Variants in PARP8 observed in about 807,000 individuals in gnomAD.
The protein encoded by PARP8 is protein mono-ADP-ribosyltransferase PARP8.
Under a neutral mutation model 124.1 loss-of-function variants are expected in PARP8, and 51 were observed. The observed-to-expected ratio is 0.41, with a 90% confidence interval of 0.33 to 0.52. The LOEUF (loss-of-function observed/expected upper bound fraction) is 0.52. Among genes scored for constraint, PARP8 ranks in the 20% least tolerant of loss-of-function variants. The pLI is 0.21. For missense variants in PARP8, 860 were observed against 1,018.9 expected (o/e 0.84, Z 2.12); for synonymous variants, 391 against 361.5 (o/e 1.08, Z -0.93).
chr5:50,746,094 C>T (rs1313111849), intron 2 of PARP8, among the ~76,000 whole-genome samples: 1 of 152,182 alleles, frequency 6.6e-6, no homozygotes. Flanking sequence ...TTAATCTGAT[C>T]TCTCTTTTCT....
chr5:50,766,180 C>G (rs1382533915), intron 7 of PARP8, among the ~76,000 whole-genome samples: 1 of 152,128 alleles, frequency 6.6e-6, no homozygotes, highest in Non-Finnish European at 1.5e-5. Flanking sequence ...AATGACAATT[C>G]TACCTCACCA....
chr5:50,833,989 A>G lies in PARP8; in HGVS notation c.2318A>G (p.Lys773Arg), dbSNP rs778402664. The G allele has an allele frequency of 1.4e-5, 22 of 1,612,230 alleles. No individual in the cohort carries two copies. Among genetic ancestry groups the G allele is most frequent in the Non-Finnish European group, 1.9e-5 (22 of 1,178,764 alleles). ...KSSNTSQSQK[K>R]GQQSQFLQSR... ...GTTTTTGGAATTTAGTCACAGAAAA[A>G]AGGACAGCAATCCCAATTCCTGCAA... Residue 773 changes from lysine (K) to arginine (R), a missense_variant, in exon 24 of 26, where the codon AAA becomes AGA. This residue lies in a region of PARP8 where 343 missense variants were observed against 474.7 expected (regional missense o/e 0.72). Coordinates refer to ENST00000281631, the MANE Select transcript of PARP8 (RefSeq NM_024615.4).
At chr5:50,739,409 G>A (rs1460322042) in intron 2 of PARP8, among the ~76,000 whole-genome samples, 1 of 151,802 alleles carries the variant, frequency 6.6e-6, no homozygotes, top group Non-Finnish European at 1.5e-5. Context: ...GGGGTGGGGA[G>A]GGAGTTGAGA....
Position 50,667,057 on chromosome 5 carries a change from GT to G in PARP8, c.-38del. The G allele has an allele frequency of 6.3e-7, 1 of 1,596,354 alleles. No individual in the cohort carries two copies. The highest frequency in any genetic ancestry group is 8.5e-7 in the Non-Finnish European group (1 of 1,179,712). Reference sequence around the variant, plus strand: ...AAGCGTGCGAGGGGGGTGGGGTGGGGTGGAAATAGCGGCTGCTTCTTTTCCA... The same window carrying G: ...AAGCGTGCGAGGGGGGTGGGGTGGGGGGAAATAGCGGCTGCTTCTTTTCCA... On this transcript the variant is annotated 5_prime_UTR_variant, in exon 1 of 26. Transcript: ENST00000281631.
intron 7 of PARP8, among the ~76,000 whole-genome samples, chr5:50,770,832 G>T (rs1328126847): frequency 6.6e-6 from 1 of 151,998 alleles, no homozygotes; most frequent in Non-Finnish European, 1.5e-5. Flanking sequence ...AATGTTTGTG[G>T]TACCCTGAAC....
intron 7 of PARP8, among the ~76,000 whole-genome samples, chr5:50,776,965 A>C (rs558104411): frequency 1.3e-5 from 2 of 152,242 alleles, no homozygotes; most frequent in Admixed American, 1.3e-4. Flanking sequence ...ACATCTTTAA[A>C]TCTTAGTTTT....
rs1238241306 is a variant in PARP8, at chr5:50,738,019, T to A, written c.147-12132T>A. ...GCTTAATGAATAGTGAATGGCTAAC[T>A]GATTTTAGTAACCACTTAGAAATAC... On this transcript the variant is annotated intron_variant, in intron 2 of 25. Coordinates refer to ENST00000281631, the MANE Select transcript of PARP8 (RefSeq NM_024615.4). Among the ~76,000 whole-genome samples, 117 of 152,214 alleles carry A rather than the reference T, an allele frequency of 7.7e-4. 1 individual carries two copies. The highest frequency in any genetic ancestry group is 1.9e-4 in the Non-Finnish European group (13 of 68,028).
intron 1 of PARP8, chr5:50,667,551 G>C: frequency 1.4e-6 from 1 of 700,076 alleles, no homozygotes; most frequent in Non-Finnish European, 2.6e-6. Flanking sequence ...TTTGCGCAAT[G>C]GGCTGAGCGG....
Position 50,668,139 on chromosome 5 carries a change from T to C in PARP8, c.146+14T>C. ...CGGCCCCAGAAGGTATTTATGTGTA[T>C]AGAGTTGCTTCATTTCCTGTTCACA... On this transcript the variant is annotated intron_variant, in intron 2 of 25. Coordinates refer to ENST00000281631, the MANE Select transcript of PARP8 (RefSeq NM_024615.4). The C allele has an allele frequency of 2.5e-6, 4 of 1,583,156 alleles. No homozygotes were observed. The highest frequency in any genetic ancestry group is 3.5e-6 in the Non-Finnish European group (4 of 1,154,530).
intron 9 of PARP8, among the ~76,000 whole-genome samples, chr5:50,785,990 T>C (rs1741206490): frequency 1.3e-5 from 2 of 152,128 alleles, no homozygotes; most frequent in Non-Finnish European, 2.9e-5. Context: ...TCCTCCTCCT[T>C]CTTGTACTAT....
At position 50,842,057 on chromosome 5, in the gene PARP8, G is replaced by A; in HGVS notation, c.2554G>A (p.Ala852Thr). The A allele has an allele frequency of 1.3e-6, 2 of 1,597,806 alleles. No individual in the cohort carries two copies. Among genetic ancestry groups the A allele is most frequent in the Non-Finnish European group, 1.7e-6 (2 of 1,169,310 alleles). The change falls in exon 26 of 26, where the codon GCT becomes ACT. Residue 852 changes from alanine (A) to threonine (T), a missense_variant. Ala to Thr is a moderately conservative substitution (Grantham distance 58, BLOSUM62 0). Coordinates refer to ENST00000281631, the MANE Select transcript of PARP8 (RefSeq NM_024615.4). ...EILRVIGNQT[A>T]TG The stretch of plus-strand genomic sequence containing the variant: ...CCTCCGAGTAATTGGTAATCAAACT[G>A]CTACTGGTTAAAGGACCACCATTTA...
At chr5:50,697,758 C>T (rs1331749517) in intron 2 of PARP8, among the ~76,000 whole-genome samples, 1 of 152,176 alleles carries the variant, frequency 6.6e-6, no homozygotes, top group Non-Finnish European at 1.5e-5. Context: ...AGTCCTCCTA[C>T]CTCAGCCTCC....
intron 2 of PARP8, among the ~76,000 whole-genome samples, chr5:50,722,129 C>A (rs1755953717): frequency 6.6e-6 from 1 of 151,998 alleles, no homozygotes; most frequent in African/African-American, 2.4e-5. Context: ...GACAGCTGGA[C>A]TGAGTAGTTG....
At chr5:50,747,804 G>A (rs1474353659) in intron 2 of PARP8, among the ~76,000 whole-genome samples, 3 of 110,750 alleles carry the variant, frequency 2.7e-5, no homozygotes, top group Admixed American at 1.5e-4. Context: ...ACGGAGTCTC[G>A]CTCTGTCGCC....
chr5:50,701,594 G>A (rs963948722), intron 2 of PARP8, among the ~76,000 whole-genome samples: 3 of 152,112 alleles, frequency 2.0e-5, no homozygotes, highest in Non-Finnish European at 4.4e-5. Context: ...AAGTGACTTT[G>A]ACTAATAAGA....
At chr5:50,700,800 C>G (rs1490456620) in intron 2 of PARP8, among the ~76,000 whole-genome samples, 1 of 152,118 alleles carries the variant, frequency 6.6e-6, no homozygotes, top group East Asian at 1.9e-4. Context: ...GCTAACTCAG[C>G]TACTCTTTCA....
chr5:50,710,223 G>A (rs539127408), intron 2 of PARP8, among the ~76,000 whole-genome samples: 12 of 151,786 alleles, frequency 7.9e-5, no homozygotes, highest in African/African-American at 2.9e-4. Flanking sequence ...CCTTCCATTA[G>A]TTCATTACTT....
Position 50,844,438 on chromosome 5 carries a change from T to C in PARP8, c.*2370T>C, listed in dbSNP as rs1369056238. On this transcript the variant is annotated 3_prime_UTR_variant, in exon 26 of 26. Coordinates refer to ENST00000281631, the MANE Select transcript of PARP8 (RefSeq NM_024615.4). ...TGTTTCTAAAGAATCTAATTTCAAT[T>C]ACTACCATTAACATATAAATGTGCT... The C allele has an allele frequency of 6.6e-6, 1 of 151,800 alleles. No individual in the cohort carries two copies. Among genetic ancestry groups the C allele is most frequent in the Non-Finnish European group, 1.5e-5 (1 of 67,812 alleles). The allele number at this position is 151,800 out of a possible 1,614,324, so 9.4% of individuals were successfully genotyped here.
At chr5:50,711,849 A>G (rs1395637052) in intron 2 of PARP8, among the ~76,000 whole-genome samples, 2 of 152,128 alleles carry the variant, frequency 1.3e-5, no homozygotes, top group South Asian at 4.1e-4. Flanking sequence ...TCTGTTTTCC[A>G]TAGTGATTAT....
Sources: allele counts gnomAD v4.1 joint callset (sites outside exome capture counted in the v4.1 genomes callset), GRCh38; gene constraint gnomAD v4.1.1; regional missense constraint gnomAD v4.1.1; transcripts MANE v1.5; gene names NCBI Gene and HGNC (gene_info 2026-07-23, HGNC 2026-07-21).